The following KLHL5 variants were observed in gnomAD, a reference collection of about 807,000 sequenced individuals.
KLHL5 encodes kelch like family member 5, also known as kelch-like protein 5.
KLHL5 carries 48 observed loss-of-function variants against 77.7 expected under a neutral mutation model. The ratio of observed to expected loss-of-function variants is 0.62; its 90% CI spans 0.49 to 0.79. The LOEUF (loss-of-function observed/expected upper bound fraction) is 0.79. Ranked by LOEUF, KLHL5 falls within the 30% of genes least tolerant of loss-of-function variation. The pLI, the probability that KLHL5 is intolerant of heterozygous loss-of-function variation, is 0.00. For missense variants in KLHL5, 723 were observed against 859.7 expected (o/e 0.84, Z 1.99); for synonymous variants, 260 against 297.0 (o/e 0.88, Z 1.28).
In KLHL5 at chr4:39,082,775, C is replaced by T. The variant is rs114183433; in HGVS notation, c.900+616C>T. 9.9e-3 allele frequency among the ~76,000 whole-genome samples: 1,508 copies of T among 152,224 alleles called. 23 individuals are homozygous for T. The highest frequency in any genetic ancestry group is 0.034 in the African/African-American group (1,417 of 41,528). ...ACAAACCTTCACATGTACCCCTGAACTTAAAAGTTAAAAAATGGATTGACC... is the reference window on the plus strand; with the variant it reads ...ACAAACCTTCACATGTACCCCTGAATTTAAAAGTTAAAAAATGGATTGACC... On this transcript the variant is annotated intron_variant, in intron 4 of 10. Transcript: ENST00000504108.
intron 1 of KLHL5, among the ~76,000 whole-genome samples, chr4:39,068,645 C>T (rs183649314): frequency 1.3e-5 from 2 of 152,202 alleles, no homozygotes; most frequent in Non-Finnish European, 2.9e-5. Flanking sequence ...AATTGGCATA[C>T]GAAAAGGATA....
the KLHL5 span, among the ~76,000 whole-genome samples, chr4:39,141,646 G>A: frequency 2.0e-5 from 3 of 152,024 alleles, no homozygotes; most frequent in Non-Finnish European, 4.4e-5. Flanking sequence ...GAAGGTGGGT[G>A]TGGTGGCTCA....
At chr4:39,045,721 G>C (rs1392303361) in intron 1 of KLHL5, among the ~76,000 whole-genome samples, 1 of 152,026 alleles carries the variant, frequency 6.6e-6, no homozygotes, top group East Asian at 1.9e-4. Flanking sequence ...AAGCGTTACT[G>C]TCGTTTTTTA....
At chr4:39,080,991 T>C (rs1248764836) in intron 2 of KLHL5, 112 bp from the exon 3 acceptor site, 4 of 996,176 alleles carry the variant, frequency 4.0e-6, no homozygotes, top group Non-Finnish European at 5.7e-6. Context: ...TTAAAATGCA[T>C]TTCCTAGTAC....
intron 1 of KLHL5, among the ~76,000 whole-genome samples, chr4:39,056,613 G>A (rs1423684177): frequency 6.6e-6 from 1 of 152,136 alleles, no homozygotes; most frequent in Non-Finnish European, 1.5e-5. Flanking sequence ...AAGATAACCA[G>A]TGTTAACCCA....
At chr4:39,106,207 G>A (rs1467941347) in intron 7 of KLHL5, among the ~76,000 whole-genome samples, 1 of 152,074 alleles carries the variant, frequency 6.6e-6, no homozygotes, top group East Asian at 1.9e-4. Flanking sequence ...CTTAGACACA[G>A]TGAGCATACC....
Position 39,124,916 on chromosome 4 carries a change from A to G in KLHL5, c.*3850A>G, listed in dbSNP as rs1353546448. Among the ~76,000 whole-genome samples the G allele has an allele frequency of 6.6e-6, 1 of 152,108 alleles. No individual in the cohort carries two copies. The highest frequency in any genetic ancestry group is 6.6e-5 in the Admixed American group (1 of 15,266). On this transcript the variant is annotated 3_prime_UTR_variant, in exon 11 of 11. Transcript: ENST00000504108. ...ATGGGAGAAAATATTTGTAAATCTT[A>G]CATATCTGGTAAGGAACTAATACCT...
At position 39,101,955 on chromosome 4, in the gene KLHL5, T is replaced by C. The variant is rs1173056988; in HGVS notation, c.1301-1332T>C. The stretch of plus-strand genomic sequence containing the variant: ...ACACACATATATACACACATATATA[T>C]ACACACACATATATATGTATACATA... On this transcript the variant is annotated intron_variant, in intron 6 of 10. Coordinates refer to ENST00000504108, the MANE Select transcript of KLHL5 (RefSeq NM_015990.5). Among the ~76,000 whole-genome samples, 327 of 58,438 alleles carry C rather than the reference T, an allele frequency of 5.6e-3. 4 individuals are homozygous for C. Among genetic ancestry groups the C allele is most frequent in the African/African-American group, 0.016 (276 of 17,122 alleles). The allele number at this position is 58,438 out of a possible 152,430, so 38.3% of individuals were successfully genotyped here.
At position 39,113,108 on chromosome 4, in the gene KLHL5, G is replaced by C. The variant is rs749928381; in HGVS notation, c.1777G>C (p.Ala593Pro). ...TCATACTAATAAGTGGACACTGTGT[G>C]CACAGATGTCAAAAAGGAGAGGTGG... ...DPHTNKWTLC[A>P]QMSKRRGGVG... The change falls in exon 9 of 11, where the codon GCA (alanine) becomes CCA (proline). Residue 593 changes from alanine (A) to proline (P), a missense_variant. Ala to Pro is a conservative substitution (Grantham distance 27, BLOSUM62 -1). Transcript: ENST00000504108. 6.2e-7 allele frequency: 1 copy of C among 1,613,946 alleles called. No homozygotes were observed. The highest frequency in any genetic ancestry group is 8.5e-7 in the Non-Finnish European group (1 of 1,179,852).
At chr4:39,088,862 T>C (rs1174273637) in intron 5 of KLHL5, among the ~76,000 whole-genome samples, 1 of 152,118 alleles carries the variant, frequency 6.6e-6, no homozygotes, top group Non-Finnish European at 1.5e-5. Context: ...TTTTGGAATT[T>C]GAAGGTAGTT....
chr4:39,115,445 C>T, intron 10 of KLHL5, 115 bp downstream of exon 10: 8 of 1,543,858 alleles, frequency 5.2e-6, no homozygotes, highest in Non-Finnish European at 7.0e-6. Context: ...ATAAATATGA[C>T]AATCACGTTT....
At chr4:39,079,946 C>A (rs1016591347) in intron 2 of KLHL5, among the ~76,000 whole-genome samples, 1 of 152,124 alleles carries the variant, frequency 6.6e-6, no homozygotes, top group Non-Finnish European at 1.5e-5. Flanking sequence ...AATGAGATAT[C>A]ATTTAACACT....
chr4:39,141,612 A>G, the KLHL5 span, among the ~76,000 whole-genome samples: 1 of 151,890 alleles, frequency 6.6e-6, no homozygotes, highest in Non-Finnish European at 1.5e-5. Context: ...AGCCCGGCCT[A>G]TTTTTTAGTC....
At chr4:39,070,126 C>G (rs28436270) in intron 1 of KLHL5, among the ~76,000 whole-genome samples, 2,020 of 152,150 alleles carry the variant, frequency 0.013, 46 homozygotes, top group African/African-American at 0.046. Flanking sequence ...TCTGATTGGT[C>G]TTGTTTGGGT....
chr4:39,079,135 A>T (rs1165065180), intron 2 of KLHL5, among the ~76,000 whole-genome samples: 1 of 152,144 alleles, frequency 6.6e-6, no homozygotes, highest in Non-Finnish European at 1.5e-5. Context: ...TCATTACCTT[A>T]CCTGCCATGC....
intron 10 of KLHL5, among the ~76,000 whole-genome samples, chr4:39,117,125 A>G (rs1360853775): frequency 6.6e-6 from 1 of 152,078 alleles, no homozygotes; most frequent in African/African-American, 2.4e-5. Context: ...ATGAGCCACC[A>G]TGCCCAGCCC....
intron 9 of KLHL5, 50 bp from the exon 10 acceptor site, chr4:39,115,109 A>G (rs1265565932): frequency 1.3e-6 from 2 of 1,539,644 alleles, no homozygotes; most frequent in Non-Finnish European, 8.8e-7. Flanking sequence ...CTGTTTTTAC[A>G]TAAATATTTT....
upstream of KLHL5, among the ~76,000 whole-genome samples, chr4:39,061,367 A>T (rs1683328252): frequency 6.6e-6 from 1 of 152,186 alleles, no homozygotes; most frequent in Admixed American, 6.6e-5. Flanking sequence ...GCACCCTGAA[A>T]ACTCAAATTC....
chr4:39,132,398 C>T, the KLHL5 span, among the ~76,000 whole-genome samples: 1 of 152,118 alleles, frequency 6.6e-6, no homozygotes, highest in Non-Finnish European at 1.5e-5. Context: ...CACTTGAGCT[C>T]ACAAGTTCGA....
Sources: gnomAD v4.1 joint callset for allele counts (sites outside exome capture counted in the v4.1 genomes callset) on GRCh38, gnomAD v4.1.1 for gene constraint, MANE v1.5 for transcripts, NCBI Gene and HGNC (gene_info 2026-07-23, HGNC 2026-07-21) for gene names.